The following SASS6 variants were observed in gnomAD, a reference collection of about 807,000 sequenced individuals.
The protein encoded by SASS6 is SAS-6 centriolar assembly protein, also known as spindle assembly abnormal protein 6 homolog.
SASS6 carries 59 observed loss-of-function variants against 94.9 expected under a neutral mutation model. The observed-to-expected ratio is 0.62, with a 90% CI of 0.50 to 0.77. The LOEUF (loss-of-function observed/expected upper bound fraction) is 0.77. SASS6 is among the 30% of genes least tolerant of loss of function. SASS6 has a pLI of 0.00. For synonymous variants in SASS6, 264 were observed against 270.0 expected (o/e 0.98, Z 0.22); for missense variants, 698 against 734.1 (o/e 0.95, Z 0.57).
chr1:100,092,340 A>T (rs778293847), intron 14 of SASS6, among the ~76,000 whole-genome samples: 5 of 152,182 alleles, frequency 3.3e-5, no homozygotes, highest in Non-Finnish European at 7.3e-5. Flanking sequence ...ATTATGTATC[A>T]AGAGAAAATA....
intron 1 of SASS6, among the ~76,000 whole-genome samples, chr1:100,131,008 T>A (rs1654964344): frequency 6.6e-6 from 1 of 152,162 alleles, no homozygotes; most frequent in African/African-American, 2.4e-5. Context: ...GCAGAGAAAT[T>A]GAGTTTTTAG....
At chr1:100,094,694 G>A (rs566418483) in intron 14 of SASS6, among the ~76,000 whole-genome samples, 43 of 151,712 alleles carry the variant, frequency 2.8e-4, no homozygotes, top group Non-Finnish European at 5.6e-4. Context: ...GGGCGAAACC[G>A]TGTCTCTATT....
intron 1 of SASS6, among the ~76,000 whole-genome samples, chr1:100,130,746 G>A (rs1654949266): frequency 6.6e-6 from 1 of 151,282 alleles, no homozygotes; most frequent in South Asian, 2.1e-4. Flanking sequence ...TCTTCCTATA[G>A]GTCAAGGATC....
intron 4 of SASS6, among the ~76,000 whole-genome samples, chr1:100,121,902 T>A (rs1010525797): frequency 2.6e-5 from 4 of 152,204 alleles, no homozygotes. Context: ...ATAGCCCTAA[T>A]TGCTGAGGAA....
intron 7 of SASS6, among the ~76,000 whole-genome samples, chr1:100,112,915 G>A (rs112956901): frequency 6.6e-6 from 1 of 152,138 alleles, no homozygotes; most frequent in Non-Finnish European, 1.5e-5. Context: ...TGATTCTCAC[G>A]CACACTAAAG....
intron 8 of SASS6, 152 bp downstream of exon 8, chr1:100,110,140 C>G: frequency 2.3e-6 from 1 of 430,010 alleles, no homozygotes; most frequent in East Asian, 3.5e-5. Flanking sequence ...TATCAAATTT[C>G]AAATTCTCAA....
Position 100,107,525 on chromosome 1 carries a change from C to T in SASS6, c.1175G>A (p.Gly392Glu), listed in dbSNP as rs761906853. ...CTTACCCATTAAAGTTTTCAGATCC[C>T]CTTGTAACTTCTTGATAATTTCATT... ...KANEIIKKLQ[G>E]DLKTLMGKLK... Residue 392 changes from glycine (G) to glutamate (E), a missense_variant, in exon 11 of 17, where the codon GGG becomes GAG. By Grantham distance (98) the Gly-to-Glu change is moderately conservative. Transcript: ENST00000287482. The T allele has an allele frequency of 6.2e-7, 1 of 1,603,336 alleles. No individual in the cohort carries two copies. The highest frequency in any genetic ancestry group is 1.3e-5 in the African/African-American group (1 of 74,364).
In SASS6 at chr1:100,094,620, C is replaced by T. The variant is rs145921637; in HGVS notation, c.1675-6384G>A. The stretch of plus-strand genomic sequence containing the variant: ...CTGTAATCCCAGCACTTTGGGAGGC[C>T]GAGGTGGGCGGATCACCCACCTCTG... On this transcript the variant is annotated intron_variant, in intron 14 of 16. Coordinates refer to ENST00000287482, the MANE Select transcript of SASS6 (RefSeq NM_194292.3). Among the ~76,000 whole-genome samples, 1,110 of 152,054 alleles carry T rather than the reference C, an allele frequency of 7.3e-3. 9 individuals are homozygous for T. The highest frequency in any genetic ancestry group is 0.026 in the African/African-American group (1,064 of 41,478).
chr1:100,098,849 T>C (rs1304573753), intron 14 of SASS6, among the ~76,000 whole-genome samples: 2 of 152,194 alleles, frequency 1.3e-5, no homozygotes. Context: ...CAAGTACTAT[T>C]TATGTTTATA....
At chr1:100,127,322 A>C (rs1211253777) in intron 1 of SASS6, among the ~76,000 whole-genome samples, 4 of 152,224 alleles carry the variant, frequency 2.6e-5, no homozygotes, top group African/African-American at 9.6e-5. Context: ...ACTATTGCTT[A>C]TCTACTACAC....
intron 13 of SASS6, among the ~76,000 whole-genome samples, chr1:100,105,351 A>AC (rs1652819015): frequency 6.6e-6 from 1 of 151,980 alleles, no homozygotes; most frequent in South Asian, 2.1e-4. Context: ...ACAGGGTGAA[A>AC]TCTGTTTCTA....
At chr1:100,123,540 T>C (rs1362663913) in intron 2 of SASS6, among the ~76,000 whole-genome samples, 1 of 152,248 alleles carries the variant, frequency 6.6e-6, no homozygotes, top group Non-Finnish European at 1.5e-5. Flanking sequence ...GTTGAAAGTT[T>C]AGGAATATCC....
At chr1:100,124,632 C>T (rs1246787280) in intron 2 of SASS6, among the ~76,000 whole-genome samples, 1 of 152,216 alleles carries the variant, frequency 6.6e-6, no homozygotes, top group African/African-American at 2.4e-5. Flanking sequence ...CTGCCTACTT[C>T]AGCCTCCCAA....
intron 14 of SASS6, chr1:100,099,520 C>G (rs546021006): frequency 4.6e-5 from 7 of 152,680 alleles, no homozygotes; most frequent in Admixed American, 3.3e-4. Flanking sequence ...CACAAGCCAC[C>G]ACCAGTGGAT....
chr1:100,127,935 C>G (rs1654739592), intron 1 of SASS6, among the ~76,000 whole-genome samples: 1 of 152,154 alleles, frequency 6.6e-6, no homozygotes, highest in African/African-American at 2.4e-5. Context: ...TGGTTTTCAT[C>G]TTCTGAAGTT....
intron 14 of SASS6, among the ~76,000 whole-genome samples, chr1:100,091,209 G>A (rs1453812178): frequency 6.6e-6 from 1 of 152,088 alleles, no homozygotes; most frequent in East Asian, 1.9e-4. Context: ...GAAGGCTGAG[G>A]CACAAGAATT....
chr1:100,121,266 C>A, intron 5 of SASS6, 112 bp downstream of exon 5: 1 of 627,682 alleles, frequency 1.6e-6, no homozygotes, highest in Non-Finnish European at 2.7e-6. Flanking sequence ...CGTTATATTT[C>A]ATAAAACTTT....
chr1:100,093,680 T>TA (rs1348469331), intron 14 of SASS6, among the ~76,000 whole-genome samples: 1 of 151,898 alleles, frequency 6.6e-6, no homozygotes, highest in Non-Finnish European at 1.5e-5. Flanking sequence ...GAGAATCACA[T>TA]AAACCCAGGA....
intron 7 of SASS6, among the ~76,000 whole-genome samples, chr1:100,116,689 C>A (rs1013923556): frequency 1.1e-4 from 16 of 151,978 alleles, no homozygotes; most frequent in African/African-American, 3.9e-4. Context: ...TAAAAGGAAA[C>A]AATAGAAAAT....
Sources: gnomAD v4.1 joint callset for allele counts (sites outside exome capture counted in the v4.1 genomes callset) on GRCh38, gnomAD v4.1.1 for gene constraint, MANE v1.5 for transcripts, NCBI Gene and HGNC (gene_info 2026-07-23, HGNC 2026-07-21) for gene names.